Variants in C4orf50 observed in about 807,000 individuals in gnomAD.
The protein encoded by C4orf50 is uncharacterized protein C4orf50.
Under a neutral mutation model 77.2 loss-of-function variants are expected in C4orf50, and 80 were observed. The observed-to-expected ratio is 1.04, with a 90% CI of 0.87 to 1.25. The LOEUF (loss-of-function observed/expected upper bound fraction) is 1.25, where lower values mean the gene tolerates loss of function less well. Ranked by LOEUF, C4orf50 falls within the 50% of genes most tolerant of loss-of-function variation. The pLI, the probability that C4orf50 is intolerant of heterozygous loss-of-function variation, is 0.00. For missense variants in C4orf50, 1,257 were observed against 1,152.9 expected (o/e 1.09, Z -1.31); for synonymous variants, 532 against 465.3 (o/e 1.14, Z -1.84).
rs147253244 is a variant in C4orf50, at chr4:5,945,666, C to T, written c.*2474+11235G>A. On this transcript the variant is annotated intron_variant, in intron 7 of 7. Transcript: ENST00000324058. ...CAAGGAGGTGCAGATCAGACTTGCCCCGGCCCCTGCCTCCTAACCATCAAC... is the reference window on the plus strand; with the variant it reads ...CAAGGAGGTGCAGATCAGACTTGCCTCGGCCCCTGCCTCCTAACCATCAAC... Among the ~76,000 whole-genome samples the T allele has an allele frequency of 1.2e-3, 183 of 152,290 alleles. 1 individual carries two copies. Among genetic ancestry groups the T allele is most frequent in the African/African-American group, 4.0e-3 (166 of 41,556 alleles).
intron 25 of C4orf50, among the ~76,000 whole-genome samples, chr4:6,004,256 A>G (rs1722091862): frequency 1.5e-5 from 1 of 64,954 alleles, no homozygotes; most frequent in Non-Finnish European, 3.0e-5. Context: ...GATGATGGTG[A>G]TGGTGATGGT....
chr4:5,927,606 G>A (rs1717573647), intron 7 of C4orf50, among the ~76,000 whole-genome samples: 1 of 151,516 alleles, frequency 6.6e-6, no homozygotes, highest in South Asian at 2.1e-4. Flanking sequence ...TTTGAAAGTG[G>A]GAGTTTACCC....
chr4:5,947,081 C>T (rs532905248), intron 7 of C4orf50, among the ~76,000 whole-genome samples: 8 of 152,204 alleles, frequency 5.3e-5, no homozygotes, highest in East Asian at 3.9e-4. Context: ...ACTCATGGAA[C>T]CTATTTAAGA....
intron 25 of C4orf50, among the ~76,000 whole-genome samples, chr4:6,004,211 GGTGATGGTGATGATGTGATGGTGA>G (rs1560598749): frequency 5.9e-4 from 41 of 69,152 alleles, no homozygotes; most frequent in South Asian, 4.5e-3. Flanking sequence ...TGGTGATGAT[GGTGATGGTGATGATGTGATGGTGA>G]TGATGATGGT....
At chr4:5,931,083 G>A (rs1364615312) in intron 7 of C4orf50, among the ~76,000 whole-genome samples, 1 of 152,200 alleles carries the variant, frequency 6.6e-6, no homozygotes, top group Non-Finnish European at 1.5e-5. Flanking sequence ...AAAGAGCCAT[G>A]TCCCGGATCC....
intron 23 of C4orf50, among the ~76,000 whole-genome samples, chr4:6,016,972 T>C (rs1170394439): frequency 6.6e-6 from 1 of 152,184 alleles, no homozygotes; most frequent in South Asian, 2.1e-4. Context: ...TGTCACTGCA[T>C]TGTGCTTCCA....
rs1263450012 is a variant in C4orf50 at position 5,990,152 on chromosome 4, C to T, written c.1894G>A (p.Ala632Thr). Residue 632 changes from alanine to threonine, a missense_variant, in exon 28 of 34, where the codon GCC (alanine) becomes ACC (threonine). Ala to Thr is a moderately conservative substitution (Grantham distance 58). Coordinates refer to ENST00000531445, the Ensembl canonical transcript of C4orf50. ...TCGGGACCCTCCTTTGATACTGAGG[C>T]CTCCCCCTGTAGAAGAGGCATCAAA... The T allele has an allele frequency of 5.6e-6, 7 of 1,258,482 alleles. No homozygotes were observed. The South Asian group carries it at 2.2e-4, about 40-fold the overall frequency. The allele number at this position is 1,258,482 out of a possible 1,614,324, so 78.0% of individuals were successfully genotyped here. A position where few individuals can be genotyped will look rare whatever the true frequency, so the allele number is the denominator to read the frequency against.
chr4:5,910,043 T>G (rs1716734678), intron 7 of C4orf50, among the ~76,000 whole-genome samples: 1 of 152,206 alleles, frequency 6.6e-6, no homozygotes, highest in Non-Finnish European at 1.5e-5. Context: ...CTGTAAAGAA[T>G]GGCATTGGTA....
intron 7 of C4orf50, among the ~76,000 whole-genome samples, chr4:5,935,768 A>T (rs113534526): frequency 0.16 from 21,781 of 138,248 alleles, 1,863 homozygotes; most frequent in African/African-American, 0.21. Context: ...GCTGGGCGAC[A>T]GAGGGAGACT....
intron 25 of C4orf50, among the ~76,000 whole-genome samples, chr4:6,004,235 A>ATGG (rs1722084169): frequency 1.9e-4 from 5 of 26,626 alleles, no homozygotes; most frequent in East Asian, 2.4e-3. Flanking sequence ...TGTGATGGTG[A>ATGG]TGATGATGGT....
Position 6,010,901 on chromosome 4 carries a change from A to G in C4orf50, c.426+929T>C, listed in dbSNP as rs1560603599. Among the ~76,000 whole-genome samples the G allele has an allele frequency of 3.3e-5, 5 of 152,240 alleles. No individual in the cohort carries two copies. The South Asian group carries it at 1.0e-3, about 31-fold the overall frequency. On this transcript the variant is annotated intron_variant, in intron 24 of 33. Coordinates refer to ENST00000531445, the Ensembl canonical transcript of C4orf50. ...TGTTGGGAGTCTTTTACATGTATCA[A>G]CTTAGCCCACACAACAATCTGAGGG...
At chr4:5,938,785 T>TCTTTTC (rs112613302) in intron 7 of C4orf50, among the ~76,000 whole-genome samples, 1 of 151,528 alleles carries the variant, frequency 6.6e-6, no homozygotes, top group African/African-American at 2.4e-5. Context: ...ATGTCAGTTT[T>TCTTTTC]TTTTCTTTTC....
chr4:5,965,052 G>A, exon 33 of C4orf50: 3 of 1,613,510 alleles, frequency 1.9e-6, no homozygotes, highest in African/African-American at 1.3e-5. Context: ...GGCTGTCTGT[G>A]CTGGCCACTC....
At chr4:5,947,215 G>C (rs9684751) in intron 7 of C4orf50, among the ~76,000 whole-genome samples, 50,172 of 152,012 alleles carry the variant, frequency 0.33, 8,689 homozygotes, top group Non-Finnish European at 0.37. Flanking sequence ...AAGCTGAGCT[G>C]TGTGACCTCC....
At chr4:5,987,369 C>T (rs60999440) in intron 28 of C4orf50, among the ~76,000 whole-genome samples, 6,900 of 132,240 alleles carry the variant, frequency 0.052, 181 homozygotes, top group South Asian at 0.088. Context: ...CGAGATCCCA[C>T]CACTGCACTC....
At chr4:5,978,258 A>T (rs750849704) in intron 29 of C4orf50, among the ~76,000 whole-genome samples, 1 of 151,700 alleles carries the variant, frequency 6.6e-6, no homozygotes, top group Non-Finnish European at 1.5e-5. Context: ...TCCTCTTTAA[A>T]GCAACTGCGA....
At chr4:5,982,710 T>C (rs897031570) in intron 28 of C4orf50, among the ~76,000 whole-genome samples, 2 of 150,960 alleles carry the variant, frequency 1.3e-5, no homozygotes, top group Admixed American at 6.6e-5. Flanking sequence ...GAAGGCAGAG[T>C]TGGGAGGAGA....
intron 25 of C4orf50, among the ~76,000 whole-genome samples, chr4:6,002,616 GC>G (rs1721880756): frequency 6.6e-6 from 1 of 152,152 alleles, no homozygotes; most frequent in South Asian, 2.1e-4. Context: ...GGCCCCTCCT[GC>G]CCACTCAGAC....
At chr4:5,961,658 T>C (rs973488957) in intron 33 of C4orf50, among the ~76,000 whole-genome samples, 8 of 152,160 alleles carry the variant, frequency 5.3e-5, no homozygotes, top group African/African-American at 1.9e-4. Flanking sequence ...CCTGCCTGAT[T>C]CCCCACCACA....
Sources: gnomAD v4.1 joint callset for allele counts (sites outside exome capture counted in the v4.1 genomes callset) on GRCh38, gnomAD v4.1.1 for gene constraint, MANE v1.5 for transcripts, NCBI Gene and HGNC (gene_info 2026-07-23, HGNC 2026-07-21) for gene names.